Variants in SPMIP4 observed in about 807,000 individuals in gnomAD.
The protein encoded by SPMIP4 is sperm microtubule inner protein 4, also known as sperm-associated microtubule inner protein 4.
At chr7:25,130,364 G>C in the SPMIP4 span, among the ~76,000 whole-genome samples, 1 of 143,482 alleles carries the variant, frequency 7.0e-6, no homozygotes, top group Non-Finnish European at 1.5e-5. Flanking sequence ...CCAAGCTGTA[G>C]TACAATTGCG....
chr7:25,130,533 T>C, the SPMIP4 span, among the ~76,000 whole-genome samples: 3 of 152,198 alleles, frequency 2.0e-5, no homozygotes, highest in South Asian at 4.2e-4. Flanking sequence ...AGACTGGTCT[T>C]GAACTCCTGA....
the SPMIP4 span, among the ~76,000 whole-genome samples, chr7:25,169,759 A>G: frequency 1.3e-5 from 2 of 152,044 alleles, no homozygotes; most frequent in Non-Finnish European, 2.9e-5. Flanking sequence ...TATTTTCAGT[A>G]GAGACATGGT....
chr7:25,146,201 T>C, the SPMIP4 span, among the ~76,000 whole-genome samples: 1 of 151,978 alleles, frequency 6.6e-6, no homozygotes, highest in South Asian at 2.1e-4. Context: ...GCAGAGAGAA[T>C]TATTTTTGGC....
chr7:25,136,878 T>C, the SPMIP4 span: 1 of 1,333,866 alleles, frequency 7.5e-7, no homozygotes, highest in East Asian at 2.3e-5. This position sits in a 1 kb window ranked among gnomAD's most constrained non-coding sequence, Gnocchi z 5.7. Flanking sequence ...CCATTTTCAT[T>C]GTCTGAGTAC....
At chr7:25,168,285 T>A in the SPMIP4 span, 7 of 1,594,168 alleles carry the variant, frequency 4.4e-6, no homozygotes, top group East Asian at 1.6e-4. Context: ...GAAAGTTTAT[T>A]TACCTTGGCC....
At chr7:25,179,113 T>C in the SPMIP4 span, 1 of 1,491,928 alleles carries the variant, frequency 6.7e-7, no homozygotes, top group Non-Finnish European at 9.1e-7. Flanking sequence ...CCTCACATAA[T>C]AAAATACACG....
the SPMIP4 span, among the ~76,000 whole-genome samples, chr7:25,173,944 C>G: frequency 6.6e-6 from 1 of 152,110 alleles, no homozygotes; most frequent in Non-Finnish European, 1.5e-5. This position sits in a 1 kb window ranked among gnomAD's most constrained non-coding sequence, Gnocchi z 4.4. Flanking sequence ...TCATGTCTCC[C>G]TCCCCTTAGC....
chr7:25,166,615 G>A, the SPMIP4 span, among the ~76,000 whole-genome samples: 17 of 152,022 alleles, frequency 1.1e-4, no homozygotes, highest in African/African-American at 1.9e-4. Flanking sequence ...GGCCAGGCGC[G>A]GTGGCTCATG....
At chr7:25,128,761 AG>A in the SPMIP4 span, among the ~76,000 whole-genome samples, 4 of 152,216 alleles carry the variant, frequency 2.6e-5, no homozygotes, top group Non-Finnish European at 5.9e-5. This position sits in a 1 kb window ranked among gnomAD's most constrained non-coding sequence, Gnocchi z 4.5. Flanking sequence ...TTCCTCAAAT[AG>A]GAGTCTCTCC....
At chr7:25,128,656 T>C in the SPMIP4 span, among the ~76,000 whole-genome samples, 3 of 152,200 alleles carry the variant, frequency 2.0e-5, no homozygotes, top group Non-Finnish European at 4.4e-5. This position sits in a 1 kb window ranked among gnomAD's most constrained non-coding sequence, Gnocchi z 4.5. Context: ...AGGCATGGAA[T>C]CAGGGACTCC....
the SPMIP4 span, among the ~76,000 whole-genome samples, chr7:25,150,458 G>A: frequency 6.6e-6 from 1 of 152,292 alleles, no homozygotes; most frequent in South Asian, 2.1e-4. Context: ...TCTGTGACAT[G>A]GCGATGACCA....
chr7:25,178,614 A>G, the SPMIP4 span, among the ~76,000 whole-genome samples: 1 of 152,192 alleles, frequency 6.6e-6, no homozygotes, highest in Non-Finnish European at 1.5e-5. Context: ...GACCATTCTA[A>G]GATTTTAGAA....
the SPMIP4 span, among the ~76,000 whole-genome samples, chr7:25,155,778 A>G: frequency 6.6e-6 from 1 of 152,224 alleles, no homozygotes; most frequent in Non-Finnish European, 1.5e-5. Context: ...AACATGTTAA[A>G]GAGACCATAG....
the SPMIP4 span, among the ~76,000 whole-genome samples, chr7:25,138,853 A>G: frequency 5.4e-4 from 82 of 152,328 alleles, no homozygotes; most frequent in African/African-American, 1.9e-3. This position sits in a 1 kb window ranked among gnomAD's most constrained non-coding sequence, Gnocchi z 6.2. Flanking sequence ...GAGATTTGCT[A>G]TGCTTTGAGA....
the SPMIP4 span, among the ~76,000 whole-genome samples, chr7:25,166,612 C>T: frequency 2.8e-4 from 42 of 151,868 alleles, no homozygotes; most frequent in African/African-American, 7.2e-4. Context: ...ATTGGCCAGG[C>T]GCGGTGGCTC....
chr7:25,139,721 G>A, the SPMIP4 span, among the ~76,000 whole-genome samples: 2 of 152,120 alleles, frequency 1.3e-5, no homozygotes, highest in Non-Finnish European at 2.9e-5. Flanking sequence ...TGTTAAATTT[G>A]TCATAAAAAA....
the SPMIP4 span, among the ~76,000 whole-genome samples, chr7:25,128,892 C>T: frequency 6.6e-6 from 1 of 152,232 alleles, no homozygotes; most frequent in African/African-American, 2.4e-5. This position sits in a 1 kb window ranked among gnomAD's most constrained non-coding sequence, Gnocchi z 4.5. Flanking sequence ...CCCTTTAAGG[C>T]AACAGGTTCC....
chr7:25,142,200 C>T, the SPMIP4 span: 8 of 1,470,360 alleles, frequency 5.4e-6, no homozygotes, highest in Non-Finnish European at 7.6e-6. Flanking sequence ...GAGCCCAGCA[C>T]TCTCCCCCAA....
chr7:25,151,004 G>A, the SPMIP4 span, among the ~76,000 whole-genome samples: 1 of 152,110 alleles, frequency 6.6e-6, no homozygotes, highest in Non-Finnish European at 1.5e-5. Context: ...TGGAGTGACT[G>A]GAGGTATTAT....
Sources: allele counts gnomAD v4.1 joint callset (sites outside exome capture counted in the v4.1 genomes callset), GRCh38; gene constraint gnomAD v4.1.1; non-coding constraint Gnocchi (gnomAD v3.1); transcripts MANE v1.5; gene names NCBI Gene and HGNC (gene_info 2026-07-23, HGNC 2026-07-21).